Variants in MKRN1 observed in about 807,000 individuals in gnomAD.
MKRN1 encodes the protein E3 ubiquitin-protein ligase makorin-1.
MKRN1 carries 9 observed loss-of-function variants against 55.5 expected under a neutral mutation model. The ratio of observed to expected loss-of-function variants is 0.16; its 90% CI spans 0.10 to 0.28. The LOEUF is 0.28. MKRN1 is among the 10% of genes least tolerant of loss of function. The probability of loss-of-function intolerance (pLI) is 1.00; values close to 1 mark genes in which losing one functional copy is unlikely to be tolerated. For missense variants in MKRN1, 488 were observed against 626.7 expected, an observed-to-expected ratio of 0.78 and a Z score of 2.36; for synonymous variants, 253 against 235.9, an observed-to-expected ratio of 1.07 and a Z score of -0.66.
intron 2 of MKRN1, among the ~76,000 whole-genome samples, chr7:140,467,689 T>A (rs1794812294): frequency 6.6e-6 from 1 of 152,068 alleles, no homozygotes; most frequent in Admixed American, 6.6e-5. Context: ...CAAAGTTGCC[T>A]GAAAAATAAG....
At position 140,453,054 on chromosome 7, in the gene MKRN1, T is replaced by C. The variant is rs1794374141; in HGVS notation, c.*1463A>G. 1 of 152,648 alleles carries C rather than the reference T, an allele frequency of 6.6e-6. No individual in the cohort carries two copies. The highest frequency in any genetic ancestry group is 2.1e-4 in the South Asian group (1 of 4,836). The allele number at this position is 152,648 out of a possible 1,614,324, so 9.5% of individuals were successfully genotyped here. A position where few individuals can be genotyped will look rare whatever the true frequency, so the allele number is the denominator to read the frequency against. On this transcript the variant is annotated 3_prime_UTR_variant, in exon 8 of 8. Transcript: ENST00000255977. ...CTCATTACACAGAACAGCCAACTTT[T>C]TTTTTAATTGTTTTATTTGGGAAAA...
chr7:140,459,341 C>A, intron 3 of MKRN1, 108 bp from the exon 4 acceptor site: 2 of 1,075,622 alleles, frequency 1.9e-6, no homozygotes, highest in East Asian at 2.5e-5. Context: ...AATGAAATAC[C>A]AAAACAGTCT....
chr7:140,467,151 A>AT (rs1165813344), intron 2 of MKRN1, among the ~76,000 whole-genome samples: 6 of 151,650 alleles, frequency 4.0e-5, no homozygotes, highest in African/African-American at 1.2e-4. Context: ...GTAATTTTGT[A>AT]TTTTTGGTAG....
At chr7:140,464,091 G>T (rs1193490476) in intron 2 of MKRN1, among the ~76,000 whole-genome samples, 8 of 151,762 alleles carry the variant, frequency 5.3e-5, no homozygotes, top group Non-Finnish European at 1.0e-4. Flanking sequence ...GCTAATTTTT[G>T]TATTTTTAGT....
chr7:140,475,183 C>A (rs1006011714), intron 1 of MKRN1: 1 of 426,784 alleles, frequency 2.3e-6, no homozygotes, highest in African/African-American at 2.1e-5. Context: ...CTCTACTAAA[C>A]GTACAAATAA....
rs6966409 is a variant in MKRN1, at chr7:140,459,308, G to A, written c.545-75C>T. On this transcript the variant is annotated intron_variant, in intron 3 of 7. Transcript: ENST00000255977. ...CTATAAGAGAACTGAGAATCTAACC[G>A]CAAAAAATGAAAATAAAACTGCAAT... is the stretch of plus-strand genomic sequence containing the variant. The A allele has an allele frequency of 7.3e-4, 1,046 of 1,426,388 alleles. 5 individuals carry two copies. The African/African-American group carries it at 0.013, about 18-fold the overall frequency. The allele number at this position is 1,426,388 out of a possible 1,614,324, so 88.4% of individuals were successfully genotyped here. A position where few individuals can be genotyped will look rare whatever the true frequency, so the allele number is the denominator to read the frequency against.
chr7:140,461,658 A>C lies in MKRN1; in HGVS notation c.315-1722T>G, dbSNP rs1406986149. ...TCAAAAAATAATAAAAAAAAAGCAAAGCATAGCAAGCATCTTTCTGCCTGA... is the reference window on the plus strand; with the variant it reads ...TCAAAAAATAATAAAAAAAAAGCAACGCATAGCAAGCATCTTTCTGCCTGA... On this transcript the variant is annotated intron_variant, in intron 2 of 7. Transcript: ENST00000255977. Among the ~76,000 whole-genome samples the C allele has an allele frequency of 2.0e-5, 3 of 151,014 alleles. No individual in the cohort carries two copies. The East Asian group carries it at 5.9e-4, about 30-fold the overall frequency.
At chr7:140,460,985 T>C (rs1794601765) in intron 2 of MKRN1, among the ~76,000 whole-genome samples, 1 of 152,246 alleles carries the variant, frequency 6.6e-6, no homozygotes, top group African/African-American at 2.4e-5. Flanking sequence ...TATATACCAC[T>C]TATTACTTCA....
chr7:140,477,755 C>T (rs1436978359), intron 1 of MKRN1, among the ~76,000 whole-genome samples: 1 of 152,216 alleles, frequency 6.6e-6, no homozygotes, highest in Non-Finnish European at 1.5e-5. Context: ...ACCACGCCGA[C>T]CTAGCCACCC....
Position 140,455,845 on chromosome 7 carries a change from C to T in MKRN1, c.1042G>A (p.Val348Met), listed in dbSNP as rs1794450912. 3.1e-6 allele frequency: 5 copies of T among 1,614,144 alleles called. No homozygotes were observed. Among genetic ancestry groups the T allele is most frequent in the Non-Finnish European group, 4.2e-6 (5 of 1,180,014 alleles). ...TTCTGCTTCTCTTCTTTCTCCTCCA[C>T]CCAGTACTCACTTGGAATGACAAAG... ...SNFVIPSEYW[V>M]EEKEEKQKLI... The change falls in exon 6 of 8, where the codon GTG becomes ATG. Residue 348 changes from valine to methionine, a missense_variant. This residue lies in a region of MKRN1 where 278 missense variants were observed against 406.7 expected (regional missense o/e 0.68). Coordinates refer to ENST00000255977, the MANE Select transcript of MKRN1 (RefSeq NM_013446.4).
At chr7:140,471,795 A>C in intron 2 of MKRN1, 88 bp downstream of exon 2, 1 of 1,503,678 alleles carries the variant, frequency 6.7e-7, no homozygotes, top group African/African-American at 1.4e-5. Flanking sequence ...CATTATTTTT[A>C]ATCAGTGACA....
chr7:140,465,508 C>T (rs1257531525), intron 2 of MKRN1, among the ~76,000 whole-genome samples: 1 of 152,020 alleles, frequency 6.6e-6, no homozygotes, highest in African/African-American at 2.4e-5. Flanking sequence ...CCAATATTGC[C>T]CCTTTCCCCA....
rs569056791 is a variant in MKRN1, at chr7:140,478,972, G to A, written c.185+188C>T. The stretch of plus-strand genomic sequence containing the variant: ...CGCTGAGGGCTCCGCGGCCCAGCGG[G>A]GGTTGACGCAGTGACTGGGGGAACG... On this transcript the variant is annotated intron_variant, in intron 1 of 7. Transcript: ENST00000255977. 273 of 648,342 alleles carry A rather than the reference G, an allele frequency of 4.2e-4. 7 individuals are homozygous for A. The South Asian group carries it at 0.019, about 46-fold the overall frequency. The allele number at this position is 648,342 out of a possible 1,614,324, so 40.2% of individuals were successfully genotyped here.
chr7:140,461,598 G>C (rs910405143), intron 2 of MKRN1, among the ~76,000 whole-genome samples: 3 of 152,030 alleles, frequency 2.0e-5, no homozygotes, highest in Non-Finnish European at 4.4e-5. Context: ...TCAGGCCACT[G>C]CATTCCAGCC....
At chr7:140,479,010 G>A (rs1795208110) in intron 1 of MKRN1, 150 bp downstream of exon 1, 2 of 985,362 alleles carry the variant, frequency 2.0e-6, no homozygotes, top group East Asian at 7.4e-5. Context: ...GCGGCAGCGG[G>A]GGCCGCGAGG....
Position 140,479,180 on chromosome 7 carries a change from C to G in MKRN1, c.165G>C (p.Trp55Cys). ...CCTACCTGCAGGTGACCTGTTTAGTCCAGCCGCCGCCGCTGCCGTCGCTGC... is the reference window on the plus strand; with the variant it reads ...CCTACCTGCAGGTGACCTGTTTAGTGCAGCCGCCGCCGCTGCCGTCGCTGC... ...GGGSDGSGGG[W>C]TKQVTCRYFM... Residue 55 changes from tryptophan to cysteine, a missense_variant, in exon 1 of 8, where the codon TGG (tryptophan) becomes TGC (cysteine). By Grantham distance (215) the Trp-to-Cys change is radical (BLOSUM62 -2). Coordinates refer to ENST00000255977, the MANE Select transcript of MKRN1 (RefSeq NM_013446.4). 1 of 1,460,156 alleles carries G rather than the reference C, an allele frequency of 6.8e-7. No homozygotes were observed. Among genetic ancestry groups the G allele is most frequent in the Non-Finnish European group, 9.0e-7 (1 of 1,108,390 alleles). 90.4% of individuals were successfully genotyped at this position (1,460,156 alleles called of 1,614,324 possible).
Position 140,471,915 on chromosome 7 carries a change from C to T in MKRN1, c.282G>A (p.Gln94=). 1 of 1,614,052 alleles carries T rather than the reference C, an allele frequency of 6.2e-7. No homozygotes were observed. Among genetic ancestry groups the T allele is most frequent in the Non-Finnish European group, 8.5e-7 (1 of 1,180,010 alleles). ...GGTCTCCATAAATACAGTACCCTCG[C>T]TGAAAATACTTGCACACTACACTAT... The part of the protein sequence containing the change: ...SPYSVVCKYF[Q]RGYCIYGDRC... The change falls in exon 2 of 8, where the codon CAG becomes CAA. Residue 94 remains glutamine (Q), a synonymous_variant. Coordinates refer to ENST00000255977, the MANE Select transcript of MKRN1 (RefSeq NM_013446.4).
At chr7:140,477,662 T>G (rs1795165797) in intron 1 of MKRN1, among the ~76,000 whole-genome samples, 1 of 150,146 alleles carries the variant, frequency 6.7e-6, no homozygotes, top group Non-Finnish European at 1.5e-5. Flanking sequence ...TTCACCATGT[T>G]GGCCAGGCTG....
chr7:140,473,210 CAAAAAA>C, intron 1 of MKRN1: 2 of 370,046 alleles, frequency 5.4e-6, no homozygotes, highest in South Asian at 2.0e-5. Context: ...ATGATACCAC[CAAAAAA>C]AAAAAAAAAA....
Sources: gnomAD v4.1 joint callset for allele counts (sites outside exome capture counted in the v4.1 genomes callset) on GRCh38, gnomAD v4.1.1 for gene constraint, gnomAD v4.1.1 regional missense constraint, MANE v1.5 for transcripts, NCBI Gene and HGNC (gene_info 2026-07-23, HGNC 2026-07-21) for gene names.